PCBP3: variants seen among roughly 807,000 people sequenced by gnomAD.
PCBP3 encodes the protein poly(rC) binding protein 3, also known as poly(rC)-binding protein 3.
A neutral mutation model predicts 52.7 loss-of-function variants in PCBP3; 25 were observed. That is an observed-to-expected ratio of 0.47 (90% CI 0.35 to 0.66). The LOEUF (loss-of-function observed/expected upper bound fraction) is 0.66, where lower values mean the gene tolerates loss of function less well. PCBP3 is among the 30% of genes least tolerant of loss of function. The pLI is 0.01. For missense variants in PCBP3, 391 were observed against 490.3 expected (o/e 0.80, Z 1.91); for synonymous variants, 162 against 183.0 (o/e 0.89, Z 0.93).
intron 1 of PCBP3, among the ~76,000 whole-genome samples, chr21:45,664,327 C>T (rs2080629299): frequency 6.9e-6 from 1 of 145,360 alleles, no homozygotes; most frequent in Non-Finnish European, 1.5e-5. Flanking sequence ...AGAAAATAAA[C>T]TATCAACCTA....
Position 45,735,184 on chromosome 21 carries a change from G to C in PCBP3, c.-199-208G>C, listed in dbSNP as rs546962043. The stretch of plus-strand genomic sequence containing the variant: ...CAGTGTCGTGTATGTTCCAGACTCA[G>C]TTTAGAATTGAATCACTTTTTATGG... On this transcript the variant is annotated intron_variant, in intron 2 of 17. Coordinates refer to ENST00000681687, the MANE Select transcript of PCBP3 (RefSeq NM_001384156.1). The surrounding 1 kb of genome is among the most constrained non-coding windows in gnomAD (Gnocchi z 4.0). 3.3e-5 allele frequency among the ~76,000 whole-genome samples: 5 copies of C among 152,318 alleles called. No individual in the cohort carries two copies. The South Asian group carries it at 1.0e-3, about 32-fold the overall frequency.
Position 45,928,663 on chromosome 21 carries a change from G to T in PCBP3, c.718-1254G>T, listed in dbSNP as rs2075794021. On this transcript the variant is annotated intron_variant, in intron 13 of 17. Transcript: ENST00000681687. This position sits in a 1 kb window ranked among gnomAD's most constrained non-coding sequence, Gnocchi z 4.1. ...CAGCCGGCCTTCTCACGTGCAGATG[G>T]CAGCTCTGCTCCGAGCGCCCACACC... Among the ~76,000 whole-genome samples, 1 of 152,068 alleles carries T rather than the reference G, an allele frequency of 6.6e-6. No homozygotes were observed.
In PCBP3 at chr21:45,724,799, G is replaced by A. The variant is rs541671340; in HGVS notation, c.-199-10593G>A. On this transcript the variant is annotated intron_variant, in intron 2 of 17. Transcript: ENST00000681687. The surrounding 1 kb of genome is among the most constrained non-coding windows in gnomAD (Gnocchi z 5.3). ...GCTGTTGTTTTCAGGCTGTTGGGCC[G>A]TGAGGCTGCTCTGGTCTGAGAAAGT... Among the ~76,000 whole-genome samples the A allele has an allele frequency of 1.3e-5, 2 of 152,188 alleles. No homozygotes were observed. The highest frequency in any genetic ancestry group is 2.9e-5 in the Non-Finnish European group (2 of 68,012).
intron 2 of PCBP3, among the ~76,000 whole-genome samples, chr21:45,691,947 C>T (rs2082507078): frequency 6.6e-6 from 1 of 152,140 alleles, no homozygotes; most frequent in Non-Finnish European, 1.5e-5. Context: ...GATAGAATGG[C>T]AACTCTCCCA....
At chr21:45,798,204 A>G (rs893358132) in intron 4 of PCBP3, among the ~76,000 whole-genome samples, 11 of 150,672 alleles carry the variant, frequency 7.3e-5, no homozygotes, top group Admixed American at 1.3e-4. Flanking sequence ...GGATGAATGC[A>G]TGGATCCATA....
intron 4 of PCBP3, among the ~76,000 whole-genome samples, chr21:45,785,306 C>G (rs533063711): frequency 2.7e-5 from 4 of 150,572 alleles, no homozygotes; most frequent in South Asian, 4.2e-4. Context: ...GTCAGCCCCC[C>G]GCCCGGCCAG....
At chr21:45,901,164 C>A in intron 9 of PCBP3, 51 bp downstream of exon 9, 1 of 1,322,478 alleles carries the variant, frequency 7.6e-7, no homozygotes, top group South Asian at 1.2e-5. Flanking sequence ...CAGGCCTGGT[C>A]CCAGCTGGCT....
At chr21:45,747,341 G>A (rs1345788562) in intron 3 of PCBP3, among the ~76,000 whole-genome samples, 1 of 152,206 alleles carries the variant, frequency 6.6e-6, no homozygotes, top group Non-Finnish European at 1.5e-5. Flanking sequence ...TTCAAAATGA[G>A]ATTTGGGTGC....
At chr21:45,752,113 A>C (rs138688767) in intron 3 of PCBP3, among the ~76,000 whole-genome samples, 14 of 152,228 alleles carry the variant, frequency 9.2e-5, no homozygotes, top group African/African-American at 3.4e-4. Flanking sequence ...GCTATGCCAA[A>C]GATTTTTTAT....
At chr21:45,765,969 C>T (rs1261676376) in intron 4 of PCBP3, among the ~76,000 whole-genome samples, 3 of 152,296 alleles carry the variant, frequency 2.0e-5, no homozygotes, top group African/African-American at 4.8e-5. Flanking sequence ...AGTGCAGTAA[C>T]GTTAATGGTC....
At chr21:45,912,751 G>A (rs1043110150) in intron 11 of PCBP3, among the ~76,000 whole-genome samples, 5 of 152,284 alleles carry the variant, frequency 3.3e-5, no homozygotes, top group East Asian at 1.9e-4. Context: ...GCACTGGCCC[G>A]AGGCTGGGCA....
intron 2 of PCBP3, among the ~76,000 whole-genome samples, chr21:45,683,368 G>C (rs1175769613): frequency 6.6e-6 from 1 of 152,184 alleles, no homozygotes; most frequent in Non-Finnish European, 1.5e-5. Context: ...GAGGATAATG[G>C]TGATGCCTTT....
Position 45,736,755 on chromosome 21 carries a change from C to G in PCBP3, c.-162+1326C>G, listed in dbSNP as rs1465543376. ...TGTTTGTTCCTTCATTCGTTCAGCACATGTTTACAGTGTGCCTGTGATGTC... is the reference window on the plus strand; with the variant it reads ...TGTTTGTTCCTTCATTCGTTCAGCAGATGTTTACAGTGTGCCTGTGATGTC... On this transcript the variant is annotated intron_variant, in intron 3 of 17. Coordinates refer to ENST00000681687, the MANE Select transcript of PCBP3 (RefSeq NM_001384156.1). The surrounding 1 kb of genome is among the most constrained non-coding windows in gnomAD (Gnocchi z 4.6). Among the ~76,000 whole-genome samples, 2 of 152,204 alleles carry G rather than the reference C, an allele frequency of 1.3e-5. No individual in the cohort carries two copies. Among genetic ancestry groups the G allele is most frequent in the Non-Finnish European group, 1.5e-5 (1 of 68,040 alleles).
intron 2 of PCBP3, among the ~76,000 whole-genome samples, chr21:45,716,794 G>A (rs1237613835): frequency 1.3e-5 from 2 of 152,184 alleles, no homozygotes; most frequent in South Asian, 2.1e-4. Flanking sequence ...ATTGGGAAAT[G>A]TGAGTCTTCT....
intron 1 of PCBP3, among the ~76,000 whole-genome samples, chr21:45,655,310 G>A (rs900773190): frequency 1.3e-5 from 2 of 151,456 alleles, no homozygotes; most frequent in Non-Finnish European, 2.9e-5. Context: ...ACATCTTCGG[G>A]AAACAATTTG....
At chr21:45,646,074 TC>T in intron 1 of PCBP3, among the ~76,000 whole-genome samples, 4 of 115,726 alleles carry the variant, frequency 3.5e-5, no homozygotes, top group African/African-American at 1.1e-4. Context: ...TCTCTCTCTC[TC>T]TCTCTCTTTC....
chr21:45,941,838 C>T lies in PCBP3; in HGVS notation c.*132C>T, dbSNP rs531256990. The T allele has an allele frequency of 3.0e-6, 2 of 661,834 alleles. No individual in the cohort carries two copies. The highest frequency in any genetic ancestry group is 3.1e-5 in the East Asian group (1 of 32,054). The allele number at this position is 661,834 out of a possible 1,614,324, so 41.0% of individuals were successfully genotyped here. On this transcript the variant is annotated 3_prime_UTR_variant, in exon 18 of 18. Transcript: ENST00000681687. ...GAGGTTTTCTTAATTAACAAAAGGA[C>T]GTATGCCATGGAGAAACACACCCGC... is the stretch of plus-strand genomic sequence containing the variant.
intron 16 of PCBP3, among the ~76,000 whole-genome samples, chr21:45,936,264 A>G (rs1310220304): frequency 6.6e-6 from 1 of 152,212 alleles, no homozygotes; most frequent in Non-Finnish European, 1.5e-5. Context: ...GGGTCGCCAG[A>G]GGAATGGACC....
rs2085870163 is a variant in PCBP3, at chr21:45,736,354, G to T, written c.-162+925G>T. ...TCACAATAGCAGAGTAAGAAGAGCT[G>T]CCTTGTTGATGGGACGTGGGTCGGA... is the stretch of plus-strand genomic sequence containing the variant. On this transcript the variant is annotated intron_variant, in intron 3 of 17. Coordinates refer to ENST00000681687, the MANE Select transcript of PCBP3 (RefSeq NM_001384156.1). The surrounding 1 kb of genome is among the most constrained non-coding windows in gnomAD (Gnocchi z 4.6). Among the ~76,000 whole-genome samples the T allele has an allele frequency of 1.3e-5, 2 of 152,228 alleles. No homozygotes were observed. Among genetic ancestry groups the T allele is most frequent in the South Asian group, 2.1e-4 (1 of 4,828 alleles).
Sources: gnomAD v4.1 joint callset for allele counts (sites outside exome capture counted in the v4.1 genomes callset) on GRCh38, gnomAD v4.1.1 for gene constraint, Gnocchi (gnomAD v3.1) non-coding constraint, MANE v1.5 for transcripts, NCBI Gene and HGNC (gene_info 2026-07-23, HGNC 2026-07-21) for gene names.